The following ZFAND3 variants were observed in gnomAD, a reference collection of about 807,000 sequenced individuals.
ZFAND3 encodes the protein AN1-type zinc finger protein 3.
In ZFAND3, 10 loss-of-function variants were observed where a neutral mutation model predicts 29.6. The observed-to-expected ratio is 0.34, with a 90% CI of 0.21 to 0.57. The LOEUF (loss-of-function observed/expected upper bound fraction) is 0.57. Ranked by LOEUF, ZFAND3 falls within the 20% of genes least tolerant of loss-of-function variation. The probability of loss-of-function intolerance (pLI) is 0.86; values close to 1 mark genes in which losing one functional copy is unlikely to be tolerated. For missense variants in ZFAND3, 230 were observed against 304.5 expected (o/e 0.76, Z 1.82); for synonymous variants, 128 against 112.6 (o/e 1.14, Z -0.87).
At chr6:37,824,663 G>A (rs529624644) in intron 1 of ZFAND3, among the ~76,000 whole-genome samples, 1 of 152,186 alleles carries the variant, frequency 6.6e-6, no homozygotes, top group Non-Finnish European at 1.5e-5. Flanking sequence ...TAATGGAATA[G>A]TTAAATATGG....
chr6:37,923,348 G>T (rs1178246999), intron 1 of ZFAND3, among the ~76,000 whole-genome samples: 3 of 152,212 alleles, frequency 2.0e-5, no homozygotes, highest in Non-Finnish European at 2.9e-5. Context: ...CCTGCACAGA[G>T]TCAGGAGCAT....
At chr6:38,010,634 C>G (rs1401898424) in intron 2 of ZFAND3, among the ~76,000 whole-genome samples, 1 of 147,414 alleles carries the variant, frequency 6.8e-6, no homozygotes, top group African/African-American at 2.5e-5. Context: ...GGATCTTGCT[C>G]TGTCACCCAG....
At chr6:37,950,723 T>C (rs60470818) in intron 2 of ZFAND3, among the ~76,000 whole-genome samples, 259 of 152,214 alleles carry the variant, frequency 1.7e-3, no homozygotes, top group African/African-American at 6.2e-3. Flanking sequence ...TTATTTTGGG[T>C]TCTCTAACCT....
intron 2 of ZFAND3, among the ~76,000 whole-genome samples, chr6:38,025,862 C>T (rs762522572): frequency 3.9e-5 from 6 of 152,196 alleles, no homozygotes; most frequent in South Asian, 2.1e-4. Context: ...TTAGAGCTGC[C>T]GGTGGGAGTT....
At chr6:38,066,069 T>C (rs1433238197) in intron 3 of ZFAND3, among the ~76,000 whole-genome samples, 2 of 152,124 alleles carry the variant, frequency 1.3e-5, no homozygotes, top group East Asian at 3.9e-4. Context: ...TAGCTAGTAG[T>C]GGTTAACAGG....
intron 1 of ZFAND3, among the ~76,000 whole-genome samples, chr6:37,845,993 G>GTGTT (rs1316443507): frequency 6.6e-6 from 1 of 152,190 alleles, no homozygotes; most frequent in Non-Finnish European, 1.5e-5. Context: ...GTGAAGTGAA[G>GTGTT]TGTTCTCTCA....
intron 2 of ZFAND3, among the ~76,000 whole-genome samples, chr6:37,961,600 G>A (rs1762196666): frequency 6.6e-6 from 1 of 152,258 alleles, no homozygotes; most frequent in Admixed American, 6.5e-5. Context: ...TCCTAGAGCT[G>A]GTGGCCATAG....
Position 37,901,291 on chromosome 6 carries a change from A to T in ZFAND3, c.72-28668A>T, listed in dbSNP as rs1481699683. On this transcript the variant is annotated intron_variant, in intron 1 of 5. Transcript: ENST00000287218. ...GGGAGATTTGAGTGGTAAATGGGTA[A>T]GAGATGAAAAGTTATCAAATCCAGA... Among the ~76,000 whole-genome samples, 4 of 152,308 alleles carry T rather than the reference A, an allele frequency of 2.6e-5. No homozygotes were observed. The East Asian group carries it at 7.7e-4, about 29-fold the overall frequency.
chr6:38,041,699 C>T (rs1326167532), intron 2 of ZFAND3, among the ~76,000 whole-genome samples: 1,361 of 2,494 alleles, frequency 0.55, 218 homozygotes, highest in East Asian at 0.71. Flanking sequence ...TTCTCCTTCT[C>T]CTCCTCCTCC....
intron 4 of ZFAND3, among the ~76,000 whole-genome samples, chr6:38,115,692 C>T (rs1005523812): frequency 6.6e-6 from 1 of 152,120 alleles, no homozygotes; most frequent in Non-Finnish European, 1.5e-5. Flanking sequence ...AGAGGTACAT[C>T]GTGGGTATGC....
intron 1 of ZFAND3, among the ~76,000 whole-genome samples, chr6:37,904,616 G>A (rs377089535): frequency 2.0e-5 from 3 of 152,076 alleles, no homozygotes; most frequent in Non-Finnish European, 2.9e-5. Flanking sequence ...GGATTGATAC[G>A]ACAAAGCAAG....
At chr6:37,891,351 G>A (rs561787498) in intron 1 of ZFAND3, among the ~76,000 whole-genome samples, 3 of 146,744 alleles carry the variant, frequency 2.0e-5, no homozygotes, top group Non-Finnish European at 3.0e-5. Context: ...TCAACGTAGA[G>A]CACCAAAATA....
chr6:37,949,519 G>A (rs1761960775), intron 2 of ZFAND3, among the ~76,000 whole-genome samples: 2 of 152,120 alleles, frequency 1.3e-5, no homozygotes, highest in Admixed American at 1.3e-4. Context: ...GATCCCACAG[G>A]TTGAGGGCTC....
At chr6:38,077,801 G>A (rs976216464) in intron 3 of ZFAND3, among the ~76,000 whole-genome samples, 2 of 152,174 alleles carry the variant, frequency 1.3e-5, no homozygotes, top group Admixed American at 1.3e-4. Context: ...TGTGGATTTT[G>A]AGTGCGTGAA....
rs765797789 is a variant in ZFAND3 at position 37,959,815 on chromosome 6, C to T, written c.112+29816C>T. 2.0e-5 allele frequency among the ~76,000 whole-genome samples: 3 copies of T among 152,168 alleles called. No individual in the cohort carries two copies. The South Asian group carries it at 6.2e-4, about 31-fold the overall frequency. The stretch of plus-strand genomic sequence containing the variant: ...AATAGAGGCTAGTTCCTCAGGCTTA[C>T]AATTTAAACTGCTTTCTTCTTGAGA... On this transcript the variant is annotated intron_variant, in intron 2 of 5. Coordinates refer to ENST00000287218, the MANE Select transcript of ZFAND3 (RefSeq NM_021943.3).
At chr6:37,953,381 A>G (rs1213041724) in intron 2 of ZFAND3, among the ~76,000 whole-genome samples, 1 of 139,846 alleles carries the variant, frequency 7.2e-6, no homozygotes, top group Non-Finnish European at 1.6e-5. Context: ...ATATACTTTC[A>G]TTTCTTCCTT....
At chr6:38,145,502 C>T (rs900513613) in intron 5 of ZFAND3, among the ~76,000 whole-genome samples, 6 of 152,236 alleles carry the variant, frequency 3.9e-5, no homozygotes, top group Non-Finnish European at 5.9e-5. Context: ...ATCCACTCCT[C>T]CTCCCTGTGT....
intron 1 of ZFAND3, among the ~76,000 whole-genome samples, chr6:37,838,260 T>C (rs1378865463): frequency 6.6e-6 from 1 of 152,176 alleles, no homozygotes; most frequent in Non-Finnish European, 1.5e-5. Context: ...AAGGTAAAGT[T>C]GTTGTTTTGT....
intron 2 of ZFAND3, among the ~76,000 whole-genome samples, chr6:37,967,976 T>C (rs1295023441): frequency 6.6e-6 from 1 of 152,204 alleles, no homozygotes; most frequent in African/African-American, 2.4e-5. Flanking sequence ...CATACGTAAA[T>C]TGTAACATTA....
Sources: gnomAD v4.1 joint callset for allele counts (sites outside exome capture counted in the v4.1 genomes callset) on GRCh38, gnomAD v4.1.1 for gene constraint, MANE v1.5 for transcripts, NCBI Gene and HGNC (gene_info 2026-07-23, HGNC 2026-07-21) for gene names.